CRYBG1: variants seen among roughly 807,000 people sequenced by gnomAD.
CRYBG1 encodes beta/gamma crystallin domain-containing protein 1.
Under a neutral mutation model 189.2 loss-of-function variants are expected in CRYBG1, and 139 were observed. The ratio of observed to expected loss-of-function variants is 0.73; its 90% CI spans 0.64 to 0.85. The LOEUF (loss-of-function observed/expected upper bound fraction) is 0.85, where lower values mean the gene tolerates loss of function less well. CRYBG1 is among the 40% of genes least tolerant of loss of function. The pLI is 0.00. For missense variants in CRYBG1, 2,611 were observed against 2,675.8 expected (o/e 0.98, Z 0.53); for synonymous variants, 1,023 against 1,017.1 (o/e 1.01, Z -0.11).
At chr6:106,499,002 T>A (rs77669675) in intron 2 of CRYBG1, among the ~76,000 whole-genome samples, 3,346 of 151,924 alleles carry the variant, frequency 0.022, 46 homozygotes, top group Non-Finnish European at 0.032. Flanking sequence ...AGAAAAAAAA[T>A]AGTAACAATG....
At chr6:106,363,243 CAAAAAAAAAAAAA>C (rs57040798) in intron 1 of CRYBG1, among the ~76,000 whole-genome samples, 1 of 111,140 alleles carries the variant, frequency 9.0e-6, no homozygotes, top group African/African-American at 3.4e-5. Context: ...AACTCCGTCT[CAAAAAAAAAAAAA>C]AAAAAAAAAA....
At chr6:106,485,001 T>TG (rs955243584) in intron 2 of CRYBG1, among the ~76,000 whole-genome samples, 19 of 151,774 alleles carry the variant, frequency 1.3e-4, no homozygotes, top group Admixed American at 1.1e-3. Flanking sequence ...AAAAAAAAGG[T>TG]GGGGGGGATT....
intron 17 of CRYBG1, 77 bp from the exon 18 acceptor site, chr6:106,558,409 G>T (rs1037070785): frequency 1.5e-6 from 2 of 1,291,718 alleles, no homozygotes; most frequent in Non-Finnish European, 2.1e-6. Context: ...CTTTGTCCTT[G>T]TAACAAGATG....
intron 1 of CRYBG1, among the ~76,000 whole-genome samples, chr6:106,405,351 A>G (rs777466113): frequency 1.4e-4 from 22 of 152,230 alleles, no homozygotes; most frequent in Non-Finnish European, 2.4e-4. Flanking sequence ...CTCTCTGGGC[A>G]GGGCATCTCT....
chr6:106,563,657 G>A (rs1774790116), intron 20 of CRYBG1, 107 bp from the exon 21 acceptor site: 3 of 1,181,762 alleles, frequency 2.5e-6, no homozygotes, highest in Non-Finnish European at 3.5e-6. Flanking sequence ...GGTAAATGAA[G>A]CTAGGAACTA....
chr6:106,455,683 A>C (rs1301426546), intron 2 of CRYBG1, among the ~76,000 whole-genome samples: 1 of 152,212 alleles, frequency 6.6e-6, no homozygotes, highest in Non-Finnish European at 1.5e-5. Flanking sequence ...TTAAATTGTC[A>C]TATTTTCAAT....
At chr6:106,559,071 G>C (rs1399954899) in intron 18 of CRYBG1, among the ~76,000 whole-genome samples, 1 of 152,056 alleles carries the variant, frequency 6.6e-6, no homozygotes, top group Non-Finnish European at 1.5e-5. Flanking sequence ...CACCTTTGTA[G>C]AACACTTTTC....
At chr6:106,539,937 C>T (rs188909389) in intron 9 of CRYBG1, among the ~76,000 whole-genome samples, 2 of 152,286 alleles carry the variant, frequency 1.3e-5, no homozygotes, top group East Asian at 1.9e-4. Context: ...AAATTAAATT[C>T]AGTCTTAAAA....
In CRYBG1 at chr6:106,514,280, A is replaced by C. The variant is rs139168325; in HGVS notation, c.1922+1241A>C. 6.0e-3 allele frequency among the ~76,000 whole-genome samples: 912 copies of C among 152,316 alleles called. 15 individuals carry two copies. The highest frequency in any genetic ancestry group is 0.021 in the African/African-American group (882 of 41,558). ...ACAGGTGAATAATGATTAAGTGCTT[A>C]AGTTTTTCCTCCATTCACATATTTG... On this transcript the variant is annotated intron_variant, in intron 3 of 21. Coordinates refer to ENST00000633556, the MANE Select transcript of CRYBG1 (RefSeq NM_001371242.2).
intron 1 of CRYBG1, among the ~76,000 whole-genome samples, chr6:106,434,009 TC>T (rs1771403504): frequency 6.6e-6 from 1 of 151,868 alleles, no homozygotes; most frequent in South Asian, 2.1e-4. Flanking sequence ...CGTCAAGCTG[TC>T]AACCAGGACT....
chr6:106,395,714 C>T lies in CRYBG1; in HGVS notation c.173+34633C>T, dbSNP rs547442167. ...GTGATTTTGCCATCCCTGAAGGAGT[C>T]CCATCTATTTGAGATCAATTTTTAT... On this transcript the variant is annotated intron_variant, in intron 1 of 21. Transcript: ENST00000633556. Among the ~76,000 whole-genome samples, 3 of 152,092 alleles carry T rather than the reference C, an allele frequency of 2.0e-5. No homozygotes were observed. In the East Asian group the frequency reaches 5.8e-4, roughly 29 times the overall value.
At chr6:106,542,925 A>C (rs899947846) in intron 10 of CRYBG1, among the ~76,000 whole-genome samples, 4 of 150,726 alleles carry the variant, frequency 2.7e-5, no homozygotes, top group African/African-American at 9.7e-5. Context: ...CTGGAATTAC[A>C]GGTGTGAGCC....
chr6:106,434,491 G>T (rs963354410), intron 1 of CRYBG1, among the ~76,000 whole-genome samples: 1 of 152,156 alleles, frequency 6.6e-6, no homozygotes, highest in African/African-American at 2.4e-5. Flanking sequence ...ACTGATTAGA[G>T]TTTTAGGAGT....
intron 8 of CRYBG1, among the ~76,000 whole-genome samples, chr6:106,533,868 G>T (rs552559898): frequency 3.3e-5 from 5 of 152,290 alleles, no homozygotes; most frequent in Admixed American, 1.3e-4. Context: ...GAGGCTGGAG[G>T]CATAAATTTA....
intron 1 of CRYBG1, among the ~76,000 whole-genome samples, chr6:106,384,022 T>C (rs189783447): frequency 5.7e-4 from 87 of 152,312 alleles, no homozygotes; most frequent in African/African-American, 2.0e-3. Context: ...AGATGTGTAG[T>C]GTTGGCCATG....
intron 1 of CRYBG1, among the ~76,000 whole-genome samples, chr6:106,379,322 C>A (rs1444393113): frequency 6.6e-6 from 1 of 151,266 alleles, no homozygotes; most frequent in Non-Finnish European, 1.5e-5. Flanking sequence ...AGTGCAGTGG[C>A]ATGATCTTGG....
At chr6:106,386,765 A>T (rs2114329035) in intron 1 of CRYBG1, among the ~76,000 whole-genome samples, 1 of 152,294 alleles carries the variant, frequency 6.6e-6, no homozygotes, top group South Asian at 2.1e-4. Flanking sequence ...AGTGATGGAG[A>T]TCGGCTGTAA....
intron 2 of CRYBG1, among the ~76,000 whole-genome samples, chr6:106,474,498 T>C (rs1479251951): frequency 6.6e-6 from 1 of 152,246 alleles, no homozygotes; most frequent in Non-Finnish European, 1.5e-5. Context: ...AAGGTTTTAC[T>C]TTTTATTTAG....
At chr6:106,377,122 A>G (rs1380950476) in intron 1 of CRYBG1, among the ~76,000 whole-genome samples, 3 of 152,026 alleles carry the variant, frequency 2.0e-5, no homozygotes, top group South Asian at 2.1e-4. Flanking sequence ...CAATTGTTTC[A>G]TTTCCCTTTT....
Sources: gnomAD v4.1 joint callset for allele counts (sites outside exome capture counted in the v4.1 genomes callset) on GRCh38, gnomAD v4.1.1 for gene constraint, MANE v1.5 for transcripts, NCBI Gene and HGNC (gene_info 2026-07-23, HGNC 2026-07-21) for gene names.